Variants in PTPRQ observed in about 807,000 individuals in gnomAD.
PTPRQ encodes the protein protein tyrosine phosphatase receptor type Q, also known as phosphatidylinositol phosphatase PTPRQ.
Under a neutral mutation model 246.0 loss-of-function variants are expected in PTPRQ, and 199 were observed. The observed-to-expected ratio is 0.81, with a 90% CI of 0.72 to 0.91. The LOEUF (loss-of-function observed/expected upper bound fraction) is 0.91, where lower values mean the gene tolerates loss of function less well. PTPRQ is among the 40% of genes least tolerant of loss of function. PTPRQ has a pLI of 0.00. For missense variants in PTPRQ, 2,624 were observed against 2,528.4 expected (o/e 1.04, Z -0.81); for synonymous variants, 869 against 853.2 (o/e 1.02, Z -0.32).
At chr12:80,472,275 G>A in intron 8 of PTPRQ, 24 bp downstream of exon 8, 2 of 1,549,138 alleles carry the variant, frequency 1.3e-6, no homozygotes, top group Non-Finnish European at 8.7e-7. Context: ...GAATGAGTGA[G>A]ATATTTTTGG....
intron 8 of PTPRQ, among the ~76,000 whole-genome samples, chr12:80,477,720 GC>G (rs1893863866): frequency 6.6e-6 from 1 of 152,150 alleles, no homozygotes. Context: ...CTCGGGAAGC[GC>G]AAGGGGTCAG....
At chr12:80,570,338 A>G (rs1389539203) in intron 25 of PTPRQ, among the ~76,000 whole-genome samples, 1 of 152,184 alleles carries the variant, frequency 6.6e-6, no homozygotes, top group Non-Finnish European at 1.5e-5. Flanking sequence ...ACCAGTGATG[A>G]TGAGCTTTCT....
intron 25 of PTPRQ, among the ~76,000 whole-genome samples, chr12:80,565,134 T>C (rs980756041): frequency 6.6e-6 from 1 of 152,228 alleles, no homozygotes; most frequent in Non-Finnish European, 1.5e-5. Context: ...ATTTTTTATC[T>C]TGGATCAGTT....
chr12:80,632,027 A>G (rs917761523), intron 33 of PTPRQ, among the ~76,000 whole-genome samples, 165 bp from the exon 34 acceptor site: 1 of 152,168 alleles, frequency 6.6e-6, no homozygotes, highest in African/African-American at 2.4e-5. Flanking sequence ...CTGAGCCCCA[A>G]AGTTAAAAAA....
intron 35 of PTPRQ, among the ~76,000 whole-genome samples, chr12:80,641,893 C>G (rs139790058): frequency 6.7e-4 from 102 of 151,838 alleles, no homozygotes; most frequent in Non-Finnish European, 6.9e-4. Flanking sequence ...TGCTCTCTCT[C>G]TCTCGCTCTC....
chr12:80,552,613 T>A (rs1896508580), intron 25 of PTPRQ, among the ~76,000 whole-genome samples: 1 of 107,012 alleles, frequency 9.3e-6, no homozygotes, highest in African/African-American at 3.3e-5. Context: ...GCCACCTAAA[T>A]TTAAGGTCCA....
At chr12:80,578,860 T>A (rs946354971) in intron 25 of PTPRQ, among the ~76,000 whole-genome samples, 4 of 152,196 alleles carry the variant, frequency 2.6e-5, no homozygotes, top group African/African-American at 9.7e-5. Flanking sequence ...TTATCTTTAT[T>A]TGCGATAACA....
intron 17 of PTPRQ, among the ~76,000 whole-genome samples, chr12:80,514,400 A>ACTCTCT (rs1233839272): frequency 3.1e-4 from 15 of 47,856 alleles, no homozygotes; most frequent in Non-Finnish European, 5.8e-4. Flanking sequence ...ACACACACAC[A>ACTCTCT]CACTCTCTCT....
rs1215887822 is a variant in PTPRQ, at chr12:80,585,697, C to G, written c.4286-2432C>G. On this transcript the variant is annotated intron_variant, in intron 25 of 44. Coordinates refer to ENST00000644991, the MANE Select transcript of PTPRQ (RefSeq NM_001145026.2). ...CTGAAATATTGACATGGCTAGGTCC[C>G]CTACCTACATATGGAATTTAGTATC... 2.0e-5 allele frequency among the ~76,000 whole-genome samples: 3 copies of G among 152,054 alleles called. No homozygotes were observed. In the East Asian group the frequency reaches 5.8e-4, roughly 29 times the overall value.
chr12:80,529,196 T>G (rs1409927848), intron 17 of PTPRQ, among the ~76,000 whole-genome samples: 1 of 152,116 alleles, frequency 6.6e-6, no homozygotes, highest in African/African-American at 2.4e-5. Context: ...AATGGGAAAA[T>G]TAATGAACAT....
intron 17 of PTPRQ, among the ~76,000 whole-genome samples, chr12:80,526,294 AG>A (rs1306325685): frequency 1.3e-5 from 2 of 152,182 alleles, no homozygotes; most frequent in Non-Finnish European, 2.9e-5. Context: ...CTTTGGTTGG[AG>A]GAAACTAAGT....
intron 34 of PTPRQ, among the ~76,000 whole-genome samples, chr12:80,633,981 C>A (rs2121174333): frequency 6.6e-6 from 1 of 152,302 alleles, no homozygotes; most frequent in South Asian, 2.1e-4. Flanking sequence ...ATACATTCTG[C>A]TTTTGTTCAG....
chr12:80,672,229 A>G (rs1160223558), intron 42 of PTPRQ, among the ~76,000 whole-genome samples: 1 of 151,504 alleles, frequency 6.6e-6, no homozygotes, highest in Admixed American at 6.6e-5. Flanking sequence ...GGGACTTTGC[A>G]TTGTTCACTG....
chr12:80,568,408 A>G (rs950182937), intron 25 of PTPRQ, among the ~76,000 whole-genome samples: 1 of 152,152 alleles, frequency 6.6e-6, no homozygotes, highest in Admixed American at 6.6e-5. Flanking sequence ...CAATATTGTC[A>G]AATATCAGCA....
chr12:80,483,945 A>T (rs1055376936), intron 8 of PTPRQ, among the ~76,000 whole-genome samples: 36 of 151,914 alleles, frequency 2.4e-4, no homozygotes, highest in African/African-American at 8.0e-4. Flanking sequence ...TTTAATTTTT[A>T]ACAAAATAAA....
At chr12:80,568,731 A>G (rs998716435) in intron 25 of PTPRQ, among the ~76,000 whole-genome samples, 6 of 152,222 alleles carry the variant, frequency 3.9e-5, no homozygotes, top group African/African-American at 1.4e-4. Flanking sequence ...AGGAGGCAAC[A>G]TAACTACACA....
chr12:80,470,541 G>A (rs1175007942), intron 7 of PTPRQ, among the ~76,000 whole-genome samples: 1 of 152,156 alleles, frequency 6.6e-6, no homozygotes, highest in Non-Finnish European at 1.5e-5. Context: ...TAAGATTCCA[G>A]GCACCATGTA....
rs147895705 is a variant in PTPRQ, at chr12:80,614,092, A to G, written c.5163+256A>G. On this transcript the variant is annotated intron_variant, in intron 29 of 44. Coordinates refer to ENST00000644991, the MANE Select transcript of PTPRQ (RefSeq NM_001145026.2). ...AGTAGAAACTCAGACATAAAAGAGA[A>G]AGAAAATGCACATTAAAAGTAAAAG... is the stretch of plus-strand genomic sequence containing the variant. Among the ~76,000 whole-genome samples, 687 of 150,914 alleles carry G rather than the reference A, an allele frequency of 4.6e-3. 4 individuals are homozygous for G. Among genetic ancestry groups the G allele is most frequent in the African/African-American group, 0.015 (629 of 41,416 alleles).
intron 35 of PTPRQ, among the ~76,000 whole-genome samples, chr12:80,642,950 TTGAG>T (rs1205208629): frequency 7.6e-6 from 1 of 132,352 alleles, no homozygotes; most frequent in Admixed American, 7.4e-5. Flanking sequence ...AAAAAAACAA[TTGAG>T]TATCTCTCAA....
Sources: gnomAD v4.1 joint callset for allele counts (sites outside exome capture counted in the v4.1 genomes callset) on GRCh38, gnomAD v4.1.1 for gene constraint, MANE v1.5 for transcripts, NCBI Gene and HGNC (gene_info 2026-07-23, HGNC 2026-07-21) for gene names.